DMD: variants seen among roughly 807,000 people sequenced by gnomAD.
The protein encoded by DMD is dystrophin.
A neutral mutation model predicts 330.1 loss-of-function variants in DMD; 63 were observed. That is an observed-to-expected ratio of 0.19 (90% CI 0.16 to 0.24). The LOEUF (loss-of-function observed/expected upper bound fraction) is 0.24, where lower values mean the gene tolerates loss of function less well. DMD is among the 10% of genes least tolerant of loss of function. The pLI is 1.00. For missense variants in DMD, 3,344 were observed against 2,684.1 expected, an observed-to-expected ratio of 1.25 and a Z score of -5.43; for synonymous variants, 1,223 against 959.8, an observed-to-expected ratio of 1.27 and a Z score of -5.07.
chrX:32,863,771 T>G (rs2149098670), intron 2 of DMD, among the ~76,000 whole-genome samples: 1 of 111,771 alleles, frequency 8.9e-6, no homozygotes, highest in Admixed American at 9.5e-5. Flanking sequence ...TTCTTATAAT[T>G]TCTCAATTAC....
chrX:32,630,102 T>A (rs895733687), intron 11 of DMD, among the ~76,000 whole-genome samples: 2 of 111,994 alleles, frequency 1.8e-5, no homozygotes, highest in Admixed American at 1.9e-4. Flanking sequence ...CCTTTACCAT[T>A]TCTTGTAGAA....
chrX:33,180,712 G>A (rs1024956978), intron 1 of DMD, among the ~76,000 whole-genome samples: 5 of 111,470 alleles, frequency 4.5e-5, no homozygotes, highest in Admixed American at 2.9e-4. Flanking sequence ...GATTTCTTCA[G>A]AGTCAATTAC....
At chrX:32,678,078 G>A (rs1488958500) in intron 9 of DMD, among the ~76,000 whole-genome samples, 1 of 111,875 alleles carries the variant, frequency 8.9e-6, no homozygotes, top group Non-Finnish European at 1.9e-5. Context: ...AGAGATTAGA[G>A]TGGTGGCTTT....
chrX:32,376,957 C>T (rs941227801), intron 34 of DMD, among the ~76,000 whole-genome samples: 13 of 111,287 alleles, frequency 1.2e-4, no homozygotes, highest in African/African-American at 3.3e-4. Context: ...TTATATAACA[C>T]GGCTAGTTAA....
At chrX:31,289,262 A>AT (rs2053480748) in intron 62 of DMD, among the ~76,000 whole-genome samples, 1 of 85,714 alleles carries the variant, frequency 1.2e-5, no homozygotes. Flanking sequence ...AAAAAAAAAA[A>AT]AAATAAAAAA....
chrX:31,682,322 G>A (rs937654834), intron 52 of DMD, among the ~76,000 whole-genome samples: 2 of 111,408 alleles, frequency 1.8e-5, no homozygotes, highest in Non-Finnish European at 3.8e-5. Flanking sequence ...CAGTTAACAT[G>A]TCAACCTCTG....
chrX:33,061,971 C>T (rs1043595074), intron 1 of DMD, among the ~76,000 whole-genome samples: 10 of 111,841 alleles, frequency 8.9e-5, no homozygotes, highest in South Asian at 3.7e-4. Context: ...TGATATGTAA[C>T]AAAAATTATT....
At chrX:31,481,877 G>C (rs1283272023) in intron 57 of DMD, among the ~76,000 whole-genome samples, 3 of 111,289 alleles carry the variant, frequency 2.7e-5, no homozygotes, top group South Asian at 3.8e-4. Context: ...GACACACAGG[G>C]CTAGCTGGTT....
At chrX:31,811,051 A>T (rs1359552574) in intron 50 of DMD, among the ~76,000 whole-genome samples, 1 of 112,248 alleles carries the variant, frequency 8.9e-6, no homozygotes, top group Non-Finnish European at 1.9e-5. Flanking sequence ...TTTCCTAGAA[A>T]TGATGAACTA....
chrX:32,649,593 G>A (rs1409904113), intron 9 of DMD, among the ~76,000 whole-genome samples: 1 of 96,857 alleles, frequency 1.0e-5, no homozygotes, highest in South Asian at 4.5e-4. Context: ...AGGTGAAAGA[G>A]CAGAAAGGAG....
chrX:32,522,713 G>A (rs976230058), intron 17 of DMD, among the ~76,000 whole-genome samples: 13 of 111,534 alleles, frequency 1.2e-4, no homozygotes, highest in African/African-American at 1.6e-4. Context: ...AACAAATTTC[G>A]CTTCATATTT....
chrX:31,377,637 G>C (rs906250121), intron 60 of DMD, among the ~76,000 whole-genome samples: 1 of 111,668 alleles, frequency 9.0e-6, no homozygotes, highest in African/African-American at 3.3e-5. Flanking sequence ...TGTGGGCTTT[G>C]GGCAAATTAC....
chrX:32,129,724 GGA>G (rs746301161), intron 44 of DMD, among the ~76,000 whole-genome samples: 102 of 40,050 alleles, frequency 2.5e-3, no homozygotes, highest in African/African-American at 6.8e-3. Flanking sequence ...AGAGAGAGAG[GGA>G]GGGAGAGAGA....
intron 3 of DMD, among the ~76,000 whole-genome samples, chrX:32,846,576 A>C (rs1341127912): frequency 1.8e-5 from 2 of 110,446 alleles, no homozygotes; most frequent in Non-Finnish European, 3.8e-5. Context: ...CTTTGATTTC[A>C]CAAAACATTA....
At chrX:31,329,969 CAAAAAAAAAAAAAAA>C (rs142353794) in intron 61 of DMD, among the ~76,000 whole-genome samples, 1 of 12,878 alleles carries the variant, frequency 7.8e-5, no homozygotes, top group Non-Finnish European at 1.3e-4. Context: ...GATTCCATCT[CAAAAAAAAAAAAAAA>C]AAAAAAAAAA....
intron 50 of DMD, among the ~76,000 whole-genome samples, chrX:31,788,247 C>T (rs909095177): frequency 8.9e-6 from 1 of 111,933 alleles, no homozygotes; most frequent in African/African-American, 3.2e-5. Context: ...ACATATCCAA[C>T]TCTGTTTATT....
intron 5 of DMD, among the ~76,000 whole-genome samples, chrX:32,821,705 C>G (rs2078273876): frequency 9.0e-6 from 1 of 111,202 alleles, no homozygotes; most frequent in African/African-American, 3.3e-5. Flanking sequence ...TTGCAAGAAG[C>G]CAGACACAAA....
intron 1 of DMD, among the ~76,000 whole-genome samples, chrX:33,190,277 T>TGATGAC (rs1443247267): frequency 1.9e-5 from 2 of 106,976 alleles, no homozygotes; most frequent in African/African-American, 6.7e-5. Flanking sequence ...TATCACACTA[T>TGATGAC]GATGACGTGT....
rs199698452 is a variant in DMD, at chrX:32,280,119, TTA to T, written c.6290+7408_6290+7409del. Among the ~76,000 whole-genome samples, 795 of 98,516 alleles carry T rather than the reference TTA, an allele frequency of 8.1e-3. 1 individual carries two copies. The highest frequency in any genetic ancestry group is 0.039 in the East Asian group (117 of 3,022). The allele number at this position is 98,516 out of a possible 115,157, so 85.5% of individuals were successfully genotyped here. ...GTATATGTTTATATATAGTATATAT[TTA>T]TATATGTGTGTTTATATATACAGTA... On this transcript the variant is annotated intron_variant, in intron 43 of 78. Transcript: ENST00000357033.
Sources: gnomAD v4.1 joint callset for allele counts (sites outside exome capture counted in the v4.1 genomes callset) on GRCh38, gnomAD v4.1.1 for gene constraint, MANE v1.5 for transcripts, NCBI Gene and HGNC (gene_info 2026-07-23, HGNC 2026-07-21) for gene names.